The following GRIK3 variants were observed in gnomAD, a reference collection of about 807,000 sequenced individuals.
GRIK3 encodes the protein glutamate ionotropic receptor kainate type subunit 3, also known as glutamate receptor ionotropic, kainate 3.
A neutral mutation model predicts 102.5 loss-of-function variants in GRIK3; 29 were observed. The observed-to-expected ratio is 0.28, with a 90% confidence interval of 0.21 to 0.39. The LOEUF (loss-of-function observed/expected upper bound fraction) is 0.39. Among genes scored for constraint, GRIK3 ranks in the 10% least tolerant of loss-of-function variants. The pLI, the probability that GRIK3 is intolerant of heterozygous loss-of-function variation, is 1.00. For missense variants in GRIK3, 908 were observed against 1,252.4 expected (o/e 0.73, Z 4.15); for synonymous variants, 511 against 504.9 (o/e 1.01, Z -0.16).
chr1:36,991,854 C>A (rs1381506338), intron 1 of GRIK3, among the ~76,000 whole-genome samples: 2 of 152,206 alleles, frequency 1.3e-5, no homozygotes, highest in Non-Finnish European at 2.9e-5. Flanking sequence ...CAGAAGTGCC[C>A]TGTATCCTGG....
intron 1 of GRIK3, among the ~76,000 whole-genome samples, chr1:36,934,554 T>A (rs1221725124): frequency 6.6e-6 from 1 of 152,206 alleles, no homozygotes; most frequent in Non-Finnish European, 1.5e-5. Flanking sequence ...AAATGTCACA[T>A]CTTCAGATAA....
At chr1:36,979,225 C>A (rs762151958) in intron 1 of GRIK3, among the ~76,000 whole-genome samples, 2 of 152,264 alleles carry the variant, frequency 1.3e-5, no homozygotes, top group African/African-American at 4.8e-5. Context: ...CGCTACAACA[C>A]ATGCTCTACC....
At chr1:36,959,805 A>AGC (rs1641980491) in intron 1 of GRIK3, among the ~76,000 whole-genome samples, 2 of 88,950 alleles carry the variant, frequency 2.2e-5, no homozygotes, top group Non-Finnish European at 4.5e-5. Context: ...GTACCCCATG[A>AGC]CTCTGTGCCC....
intron 1 of GRIK3, among the ~76,000 whole-genome samples, chr1:36,987,421 G>A (rs1306998499): frequency 6.6e-6 from 1 of 152,194 alleles, no homozygotes; most frequent in Non-Finnish European, 1.5e-5. Flanking sequence ...GGGGAGGTGA[G>A]GCAGGGAAGG....
chr1:36,908,489 G>A (rs1176996501), intron 1 of GRIK3, among the ~76,000 whole-genome samples: 2 of 152,156 alleles, frequency 1.3e-5, no homozygotes, highest in East Asian at 3.8e-4. Flanking sequence ...ATGCAAGAAG[G>A]GCTGCTTTGG....
chr1:37,014,175 T>C (rs1642627835), intron 1 of GRIK3, among the ~76,000 whole-genome samples: 1 of 152,256 alleles, frequency 6.6e-6, no homozygotes, highest in South Asian at 2.1e-4. Context: ...CTGCTGTAAT[T>C]AAGAACTATG....
chr1:36,993,639 G>A (rs1312494970), intron 1 of GRIK3, among the ~76,000 whole-genome samples: 3 of 152,232 alleles, frequency 2.0e-5, no homozygotes, highest in African/African-American at 4.8e-5. Flanking sequence ...CAGACAACAA[G>A]TGTGAGGCAG....
Position 36,880,713 on chromosome 1 carries a change from G to A in GRIK3, c.471C>T (p.Ala157=). The A allele has an allele frequency of 6.2e-7, 1 of 1,614,160 alleles. No homozygotes were observed. The highest frequency in any genetic ancestry group is 8.5e-7 in the Non-Finnish European group (1 of 1,179,978). ...GGTCGAGGATGGCATGGCTGAGCGA[G>A]GCGTAGTCGGGGTAGAGGTTCACGT... ...TFYVNLYPDY[A]SLSHAILDLV... Residue 157 remains alanine, a synonymous_variant, in exon 3 of 16, where the codon GCC becomes GCT. Coordinates refer to ENST00000373091, the MANE Select transcript of GRIK3 (RefSeq NM_000831.4). The surrounding 1 kb of genome is among the most constrained non-coding windows in gnomAD (Gnocchi z 5.4).
intron 5 of GRIK3, among the ~76,000 whole-genome samples, chr1:36,866,319 G>A (rs1281183467): frequency 1.3e-5 from 2 of 152,216 alleles, no homozygotes; most frequent in Non-Finnish European, 2.9e-5. Flanking sequence ...AGCCAGAGGA[G>A]GCCAGGGAAC....
chr1:37,016,471 T>C (rs1472010342), intron 1 of GRIK3, among the ~76,000 whole-genome samples: 2 of 152,212 alleles, frequency 1.3e-5, no homozygotes, highest in African/African-American at 4.8e-5. Flanking sequence ...GAGTTGCTCT[T>C]TGCCCATGTG....
chr1:36,941,441 A>G (rs546156097), intron 1 of GRIK3, among the ~76,000 whole-genome samples: 23 of 152,372 alleles, frequency 1.5e-4, no homozygotes, highest in African/African-American at 5.1e-4. Context: ...GGAATCAAAC[A>G]GAAGCCCAGA....
chr1:36,798,185 T>C lies in GRIK3; in HGVS notation c.*3666A>G, dbSNP rs888113040. On this transcript the variant is annotated 3_prime_UTR_variant, in exon 16 of 16. Coordinates refer to ENST00000373091, the MANE Select transcript of GRIK3 (RefSeq NM_000831.4). ...CAGCAGCAGGACAAGGGGAGAGTGATTGGGAGGGCTCACTGTCCTTAGTCC... is the reference window on the plus strand; with the variant it reads ...CAGCAGCAGGACAAGGGGAGAGTGACTGGGAGGGCTCACTGTCCTTAGTCC... The C allele has an allele frequency of 1.3e-5, 2 of 152,236 alleles. No homozygotes were observed. Among genetic ancestry groups the C allele is most frequent in the African/African-American group, 4.8e-5 (2 of 41,412 alleles). 9.4% of individuals were successfully genotyped at this position (152,236 alleles called of 1,614,324 possible).
At chr1:36,905,105 A>G (rs1286859289) in intron 1 of GRIK3, among the ~76,000 whole-genome samples, 3 of 152,168 alleles carry the variant, frequency 2.0e-5, no homozygotes, top group Non-Finnish European at 4.4e-5. Flanking sequence ...AGCAATAAAC[A>G]GCAAGGAATT....
At chr1:36,844,504 G>A (rs543636419) in intron 9 of GRIK3, among the ~76,000 whole-genome samples, 1 of 152,188 alleles carries the variant, frequency 6.6e-6, no homozygotes, top group Non-Finnish European at 1.5e-5. Context: ...CTTGTGCAAT[G>A]GACAAGTTGC....
At chr1:36,841,598 C>T in intron 10 of GRIK3, 138 bp downstream of exon 10, 1 of 727,596 alleles carries the variant, frequency 1.4e-6, no homozygotes, top group Non-Finnish European at 2.3e-6. Flanking sequence ...CCCCAGTCCT[C>T]AAGGTTGCAG....
chr1:36,819,859 C>G lies in GRIK3; in HGVS notation c.1755-5G>C, dbSNP rs529833726. On this transcript the variant is annotated splice_polypyrimidine_tract_variant and splice_region_variant and intron_variant, in intron 11 of 15. Coordinates refer to ENST00000373091, the MANE Select transcript of GRIK3 (RefSeq NM_000831.4). This position sits in a 1 kb window ranked among gnomAD's most constrained non-coding sequence, Gnocchi z 4.1. ...TACCACTCATAAGGGCTGAACCTGC[C>G]ACAGGAGGAGAGGGACAGTCAGCCT... The G allele has an allele frequency of 2.0e-6, 3 of 1,472,450 alleles. No homozygotes were observed. In the Admixed American group the frequency reaches 5.4e-5, roughly 26 times the overall value. 91.2% of individuals were successfully genotyped at this position (1,472,450 alleles called of 1,614,324 possible). A position where few individuals can be genotyped will look rare whatever the true frequency, so the allele number is the denominator to read the frequency against.
intron 1 of GRIK3, among the ~76,000 whole-genome samples, chr1:36,897,450 G>A (rs573310507): frequency 6.6e-6 from 1 of 152,114 alleles, no homozygotes; most frequent in South Asian, 2.1e-4. Context: ...ACTTGTACCT[G>A]CTCAATGAAA....
At chr1:36,975,591 C>A (rs1478419467) in intron 1 of GRIK3, among the ~76,000 whole-genome samples, 2 of 152,178 alleles carry the variant, frequency 1.3e-5, no homozygotes, top group African/African-American at 4.8e-5. Flanking sequence ...CTGCGCCCAG[C>A]CTAAAGCTTT....
At chr1:36,980,899 G>A (rs143754724) in intron 1 of GRIK3, among the ~76,000 whole-genome samples, 1 of 152,240 alleles carries the variant, frequency 6.6e-6, no homozygotes, top group African/African-American at 2.4e-5. Context: ...GGAAACTAAA[G>A]CTCCCAGTAT....
Sources: gnomAD v4.1 joint callset for allele counts (sites outside exome capture counted in the v4.1 genomes callset) on GRCh38, gnomAD v4.1.1 for gene constraint, Gnocchi (gnomAD v3.1) non-coding constraint, MANE v1.5 for transcripts, NCBI Gene and HGNC (gene_info 2026-07-23, HGNC 2026-07-21) for gene names.